Variants in SLC23A2 observed in about 807,000 individuals in gnomAD.
The protein encoded by SLC23A2 is Na(+)/L-ascorbic acid transporter 2.
A neutral mutation model predicts 73.3 loss-of-function variants in SLC23A2; 36 were observed. The observed-to-expected ratio is 0.49, with a 90% confidence interval of 0.38 to 0.65. The LOEUF is 0.65. Ranked by LOEUF, SLC23A2 falls within the 30% of genes least tolerant of loss-of-function variation. SLC23A2 has a pLI of 0.00. For synonymous variants in SLC23A2, 343 were observed against 327.3 expected (o/e 1.05, Z -0.52); for missense variants, 507 against 841.6 (o/e 0.60, Z 4.92).
At chr20:4,926,510 C>CTTT (rs3055953) in intron 3 of SLC23A2, among the ~76,000 whole-genome samples, 10 of 105,014 alleles carry the variant, frequency 9.5e-5, no homozygotes, top group Non-Finnish European at 1.5e-4. Context: ...ATTTTTTTTG[C>CTTT]TTTTTTTTTT....
At chr20:4,935,009 A>C (rs2086938894) in intron 2 of SLC23A2, among the ~76,000 whole-genome samples, 1 of 151,830 alleles carries the variant, frequency 6.6e-6, no homozygotes, top group Admixed American at 6.6e-5. Context: ...AACACAGTGA[A>C]GCCCTGTCTC....
rs1931446563 is a variant in SLC23A2, at chr20:4,894,481, A to G, written c.482+5074T>C. On this transcript the variant is annotated intron_variant, in intron 6 of 16. Coordinates refer to ENST00000338244, the MANE Select transcript of SLC23A2 (RefSeq NM_005116.6). ...GGTCTGCAGCCTGCACAACTCAGAC[A>G]TGCTTCACGTGGTCTCAGCCAGTCA... is the stretch of plus-strand genomic sequence containing the variant. 2.6e-5 allele frequency among the ~76,000 whole-genome samples: 4 copies of G among 152,198 alleles called. No homozygotes were observed. The South Asian group carries it at 8.3e-4, about 31-fold the overall frequency.
At chr20:4,880,286 A>T (rs1256828966) in intron 9 of SLC23A2, among the ~76,000 whole-genome samples, 1 of 152,196 alleles carries the variant, frequency 6.6e-6, no homozygotes, top group East Asian at 1.9e-4. Flanking sequence ...ATCTGGGCCC[A>T]GGGCTTCTTT....
At chr20:4,882,703 G>A (rs1930938752) in intron 9 of SLC23A2, among the ~76,000 whole-genome samples, 1 of 152,050 alleles carries the variant, frequency 6.6e-6, no homozygotes, top group Non-Finnish European at 1.5e-5. Context: ...CTGTTAAATG[G>A]GATAACACTA....
chr20:4,983,724 A>G (rs2087770491), intron 1 of SLC23A2, among the ~76,000 whole-genome samples: 1 of 151,712 alleles, frequency 6.6e-6, no homozygotes, highest in South Asian at 2.1e-4. Flanking sequence ...TGGGAGGCCA[A>G]GGTGGGCAGA....
intron 9 of SLC23A2, among the ~76,000 whole-genome samples, chr20:4,881,469 TTTTTG>T (rs1385697725): frequency 6.6e-6 from 1 of 152,196 alleles, no homozygotes; most frequent in Non-Finnish European, 1.5e-5. Flanking sequence ...ATTTTCTTAC[TTTTTG>T]TTTTAATTTG....
In SLC23A2 at chr20:4,947,110, G is replaced by A. The variant is rs1361764328; in HGVS notation, c.-154-14394C>T. On this transcript the variant is annotated intron_variant, in intron 2 of 16. Transcript: ENST00000338244. The surrounding 1 kb of genome is among the most constrained non-coding windows in gnomAD (Gnocchi z 4.4). ...GGCTCAAGAGACCTCCTCCTCCAGG[G>A]AGCACTCCTGGGTCAGCTGTCCGTC... is the stretch of plus-strand genomic sequence containing the variant. Among the ~76,000 whole-genome samples, 4 of 152,114 alleles carry A rather than the reference G, an allele frequency of 2.6e-5. No homozygotes were observed. The highest frequency in any genetic ancestry group is 5.9e-5 in the Non-Finnish European group (4 of 68,020).
rs973170548 is a variant in SLC23A2, at chr20:4,947,028, C to T, written c.-154-14312G>A. Among the ~76,000 whole-genome samples the T allele has an allele frequency of 6.6e-6, 1 of 152,144 alleles. No individual in the cohort carries two copies. The highest frequency in any genetic ancestry group is 6.6e-5 in the Admixed American group (1 of 15,264). On this transcript the variant is annotated intron_variant, in intron 2 of 16. Coordinates refer to ENST00000338244, the MANE Select transcript of SLC23A2 (RefSeq NM_005116.6). This position sits in a 1 kb window ranked among gnomAD's most constrained non-coding sequence, Gnocchi z 4.4. Reference sequence around the variant, plus strand: ...AGCCTCGTCATCCTGGCCATTTCTCCTCAGTGCCAGGTGCTGCCCACACTG... The same window carrying T: ...AGCCTCGTCATCCTGGCCATTTCTCTTCAGTGCCAGGTGCTGCCCACACTG...
rs1171672432 is a variant in SLC23A2, at chr20:4,862,825, G to A, written c.1439C>T (p.Ala480Val). The A allele has an allele frequency of 1.2e-6, 2 of 1,613,814 alleles. No homozygotes were observed. The highest frequency in any genetic ancestry group is 2.7e-5 in the African/African-American group (2 of 74,916). ...TCCCAGCACAGGATCCGGAAGGGAC[G>A]CAAAGAGGGCGCTGAACTTCCCGAT... Reference protein sequence around the residue: ...GMIGKFSALFASLPDPVLGAL... With the variant: ...GMIGKFSALFVSLPDPVLGAL... Residue 480 changes from alanine (A) to valine (V), a missense_variant, in exon 14 of 17, where the codon GCG becomes GTG. Ala to Val is a moderately conservative substitution (Grantham distance 64). Coordinates refer to ENST00000338244, the MANE Select transcript of SLC23A2 (RefSeq NM_005116.6). This position sits in a 1 kb window ranked among gnomAD's most constrained non-coding sequence, Gnocchi z 5.1.
intron 6 of SLC23A2, among the ~76,000 whole-genome samples, chr20:4,894,960 C>T (rs1023301107): frequency 6.6e-6 from 1 of 152,234 alleles, no homozygotes; most frequent in Non-Finnish European, 1.5e-5. Context: ...GACACTTCTG[C>T]ACAATAGAGG....
rs541192867 is a variant in SLC23A2 at position 4,985,061 on chromosome 20, C to T, written c.-281-14142G>A. 2.0e-4 allele frequency among the ~76,000 whole-genome samples: 30 copies of T among 150,724 alleles called. No homozygotes were observed. In the East Asian group the frequency reaches 4.1e-3, roughly 21 times the overall value. On this transcript the variant is annotated intron_variant, in intron 1 of 16. Coordinates refer to ENST00000338244, the MANE Select transcript of SLC23A2 (RefSeq NM_005116.6). ...CTGAGGCAGGAGAATCACTTGATCC[C>T]GGGACGTGGAGGTTACAGTGAGCTG...
intron 1 of SLC23A2, among the ~76,000 whole-genome samples, chr20:5,008,535 A>T (rs1161288170): frequency 6.6e-6 from 1 of 152,044 alleles, no homozygotes; most frequent in Non-Finnish European, 1.5e-5. Flanking sequence ...GAATGACCCC[A>T]AATTCCTTAC....
intron 2 of SLC23A2, among the ~76,000 whole-genome samples, chr20:4,945,001 CAA>C (rs201461959): frequency 0.053 from 5,976 of 113,254 alleles, 167 homozygotes; most frequent in Middle Eastern, 0.15. Context: ...TCTGAATTCT[CAA>C]AAAAAAAAAA....
At chr20:4,860,467 G>A (rs1045273161) in intron 15 of SLC23A2, among the ~76,000 whole-genome samples, 11 of 152,260 alleles carry the variant, frequency 7.2e-5, no homozygotes, top group Middle Eastern at 3.4e-3. Flanking sequence ...GCTCCCTGAC[G>A]TTTCTACACA....
chr20:4,873,780 A>G, intron 11 of SLC23A2, 156 bp downstream of exon 11: 1 of 629,874 alleles, frequency 1.6e-6, no homozygotes, highest in South Asian at 2.2e-5. Flanking sequence ...CTCTGGGGAC[A>G]GGGCCTCCCT....
At chr20:4,949,415 T>C (rs1182865361) in intron 2 of SLC23A2, among the ~76,000 whole-genome samples, 4 of 151,974 alleles carry the variant, frequency 2.6e-5, no homozygotes, top group Admixed American at 2.6e-4. Flanking sequence ...CTCTGGAAAG[T>C]AAATAAGCAC....
At chr20:4,974,790 TTTTG>T (rs1300169440) in intron 1 of SLC23A2, among the ~76,000 whole-genome samples, 2 of 152,144 alleles carry the variant, frequency 1.3e-5, no homozygotes, top group Non-Finnish European at 2.9e-5. Flanking sequence ...TTTTCAGTGT[TTTTG>T]TTTTTGTTTT....
intron 4 of SLC23A2, among the ~76,000 whole-genome samples, chr20:4,910,708 T>C (rs1456281317): frequency 6.6e-6 from 1 of 152,184 alleles, no homozygotes; most frequent in Non-Finnish European, 1.5e-5. Flanking sequence ...AGTGCTGTGA[T>C]TGCAGGCATG....
chr20:5,008,834 T>C (rs1302224363), intron 1 of SLC23A2, among the ~76,000 whole-genome samples: 2 of 152,166 alleles, frequency 1.3e-5, no homozygotes, highest in African/African-American at 4.8e-5. Flanking sequence ...CCCAAAGTGC[T>C]GGGATTGCAG....
Sources: allele counts gnomAD v4.1 joint callset (sites outside exome capture counted in the v4.1 genomes callset), GRCh38; gene constraint gnomAD v4.1.1; non-coding constraint Gnocchi (gnomAD v3.1); transcripts MANE v1.5; gene names NCBI Gene and HGNC (gene_info 2026-07-23, HGNC 2026-07-21).